SLC22A2: variants seen among roughly 807,000 people sequenced by gnomAD.
The protein encoded by SLC22A2 is organic cation transporter 2.
A neutral mutation model predicts 60.5 loss-of-function variants in SLC22A2; 46 were observed. The ratio of observed to expected loss-of-function variants is 0.76; its 90% CI spans 0.60 to 0.97. SLC22A2 has a LOEUF of 0.97. Among genes scored for constraint, SLC22A2 ranks in the 50% least tolerant of loss-of-function variants. The pLI is 0.00. For missense variants in SLC22A2, 701 were observed against 706.6 expected, an observed-to-expected ratio of 0.99 and a Z score of 0.09; for synonymous variants, 303 against 267.0, an observed-to-expected ratio of 1.13 and a Z score of -1.31.
chr6:160,242,872 A>G (rs139442847), intron 7 of SLC22A2, among the ~76,000 whole-genome samples: 16 of 152,276 alleles, frequency 1.1e-4, no homozygotes, highest in South Asian at 4.2e-4. Flanking sequence ...AATGACCTGT[A>G]TCCACTATTT....
At chr6:160,228,155 T>C (rs1335773137) in intron 9 of SLC22A2, among the ~76,000 whole-genome samples, 1 of 152,254 alleles carries the variant, frequency 6.6e-6, no homozygotes, top group Non-Finnish European at 1.5e-5. Flanking sequence ...AATTCTTTCA[T>C]GTGTGAGATC....
At chr6:160,253,236 T>G (rs1783215879) in intron 2 of SLC22A2, among the ~76,000 whole-genome samples, 2 of 152,250 alleles carry the variant, frequency 1.3e-5, no homozygotes, top group Admixed American at 1.3e-4. Context: ...TGTTCTGTAC[T>G]CATATTTATT....
intron 10 of SLC22A2, among the ~76,000 whole-genome samples, chr6:160,219,233 GC>G (rs1465290116): frequency 3.4e-5 from 5 of 146,574 alleles, no homozygotes; most frequent in African/African-American, 1.3e-4. Flanking sequence ...TATAACAGCA[GC>G]AGCAACAACA....
intron 10 of SLC22A2, among the ~76,000 whole-genome samples, chr6:160,219,624 A>C (rs1015313606): frequency 2.7e-5 from 4 of 148,840 alleles, no homozygotes; most frequent in Admixed American, 1.3e-4. Flanking sequence ...TCCAGTTGTC[A>C]GTGGGGTTAA....
In SLC22A2 at chr6:160,249,394, G is replaced by A. The variant is rs999163072; in HGVS notation, c.674-10C>T. On this transcript the variant is annotated splice_polypyrimidine_tract_variant and intron_variant, in intron 3 of 10. Transcript: ENST00000366953. ...CCAACAAATTCTGTAACTGCAGAGA[G>A]AATTTGAATGGTTAATGCAATTCAA... The A allele has an allele frequency of 1.2e-6, 2 of 1,610,974 alleles. No homozygotes were observed. Among genetic ancestry groups the A allele is most frequent in the East Asian group, 4.5e-5 (2 of 44,836 alleles).
At chr6:160,233,748 C>T (rs1198626067) in intron 9 of SLC22A2, among the ~76,000 whole-genome samples, 1 of 151,846 alleles carries the variant, frequency 6.6e-6, no homozygotes, top group African/African-American at 2.4e-5. Flanking sequence ...GCAAAATCTT[C>T]CTTCAGCTTA....
intron 10 of SLC22A2, chr6:160,217,951 T>C (rs1725466824): frequency 6.3e-6 from 1 of 159,194 alleles, no homozygotes; most frequent in African/African-American, 2.4e-5. Flanking sequence ...AATTGCAAGT[T>C]TTCTCAATCA....
Position 160,234,299 on chromosome 6 carries a change from G to C in SLC22A2, c.1501+7175C>G, listed in dbSNP as rs186872177. On this transcript the variant is annotated intron_variant, in intron 9 of 10. Transcript: ENST00000366953. Reference sequence around the variant, plus strand: ...TTACTCACACAAAGCCTGTTTGGTGGGCTCTTCACACGGACACGAGTGAAA... The same window carrying C: ...TTACTCACACAAAGCCTGTTTGGTGCGCTCTTCACACGGACACGAGTGAAA... Among the ~76,000 whole-genome samples the C allele has an allele frequency of 7.6e-3, 1,163 of 152,294 alleles. 7 individuals are homozygous for C. The highest frequency in any genetic ancestry group is 0.012 in the Non-Finnish European group (788 of 68,028).
At chr6:160,252,726 A>G (rs1554261393) in intron 2 of SLC22A2, among the ~76,000 whole-genome samples, 1 of 152,196 alleles carries the variant, frequency 6.6e-6, no homozygotes, top group Non-Finnish European at 1.5e-5. Context: ...TTTTGGGCCC[A>G]CCCAGATCTG....
At chr6:160,239,892 G>T (rs2114861610) in intron 9 of SLC22A2, among the ~76,000 whole-genome samples, 1 of 152,230 alleles carries the variant, frequency 6.6e-6, no homozygotes, top group East Asian at 1.9e-4. Context: ...TGGAACTTTT[G>T]CTGGCAGATC....
rs560668625 is a variant in SLC22A2, at chr6:160,217,203, G to A, written c.*229C>T. 33 of 384,670 alleles carry A rather than the reference G, an allele frequency of 8.6e-5. No homozygotes were observed. The highest frequency in any genetic ancestry group is 1.5e-4 in the Non-Finnish European group (32 of 217,238). 23.8% of individuals were successfully genotyped at this position (384,670 alleles called of 1,614,324 possible). A position where few individuals can be genotyped will look rare whatever the true frequency, so the allele number is the denominator to read the frequency against. On this transcript the variant is annotated 3_prime_UTR_variant, in exon 11 of 11. Transcript: ENST00000366953. ...ACCCTCCAGAAAACCAATGTCCAAT[G>A]TCCTAGGAATGCTGAGAATAAAGTG...
chr6:160,250,987 G>A (rs189265778), intron 2 of SLC22A2, among the ~76,000 whole-genome samples: 1 of 152,166 alleles, frequency 6.6e-6, no homozygotes, highest in Non-Finnish European at 1.5e-5. Flanking sequence ...TTCAGGGAAA[G>A]AGTAATTCAT....
At chr6:160,229,904 C>T (rs1315848027) in intron 9 of SLC22A2, among the ~76,000 whole-genome samples, 5 of 151,966 alleles carry the variant, frequency 3.3e-5, no homozygotes, top group African/African-American at 1.2e-4. Flanking sequence ...TTCCATCCTA[C>T]AAAATCTAGA....
intron 1 of SLC22A2, chr6:160,257,861 T>C (rs936118224): frequency 6.5e-6 from 1 of 153,468 alleles, no homozygotes. Flanking sequence ...CCAAATGATT[T>C]TATATGAACA....
In SLC22A2 at chr6:160,245,448, A is replaced by G. The variant is rs1318806797; in HGVS notation, c.1055T>C (p.Met352Thr). The G allele has an allele frequency of 7.7e-6, 12 of 1,562,156 alleles. No individual in the cohort carries two copies. Among genetic ancestry groups the G allele is most frequent in the Middle Eastern group, 1.7e-4 (1 of 5,970 alleles). Residue 352 changes from methionine (M) to threonine (T), a missense_variant, in exon 6 of 11, where the codon ATG becomes ACG. Coordinates refer to ENST00000366953, the MANE Select transcript of SLC22A2 (RefSeq NM_003058.4). ...PQIRKHTMIL[M>T]YNWFTSSVLY... ...GAAAAATATTCCTTACCAGTTGTAC[A>G]TCAATATCATAGTATGTTTCCTTAT...
intron 9 of SLC22A2, among the ~76,000 whole-genome samples, chr6:160,235,857 A>G (rs1337596026): frequency 6.6e-6 from 1 of 152,168 alleles, no homozygotes; most frequent in Non-Finnish European, 1.5e-5. Flanking sequence ...TATAAAAGTC[A>G]TACAGGAAGC....
At chr6:160,258,071 T>G in intron 1 of SLC22A2, 3 of 408,894 alleles carry the variant, frequency 7.3e-6, no homozygotes, top group Non-Finnish European at 1.3e-5. Flanking sequence ...TTTCCAGGAG[T>G]CCTAATATGC....
rs868321797 is a variant in SLC22A2 at position 160,249,313 on chromosome 6, G to A, written c.745C>T (p.Leu249Phe). ...IFYQVAYTVGLLVLAGVAYAL... is the reference protein window; with the variant it reads ...IFYQVAYTVGFLVLAGVAYAL... ...TAAGCCACCCCAGCTAGCACCAGGAGCCCAACTGTATAGGCAACTTGGTAA... is the reference window on the plus strand; with the variant it reads ...TAAGCCACCCCAGCTAGCACCAGGAACCCAACTGTATAGGCAACTTGGTAA... Residue 249 changes from leucine to phenylalanine, a missense_variant, in exon 4 of 11, where the codon CTC (leucine) becomes TTC (phenylalanine). Leu to Phe is a conservative substitution (Grantham distance 22, BLOSUM62 0). Coordinates refer to ENST00000366953, the MANE Select transcript of SLC22A2 (RefSeq NM_003058.4). The A allele has an allele frequency of 8.7e-6, 14 of 1,613,146 alleles. No individual in the cohort carries two copies. The Middle Eastern group carries it at 2.1e-3, about 247-fold the overall frequency.
intron 9 of SLC22A2, among the ~76,000 whole-genome samples, chr6:160,237,166 G>A (rs1483049889): frequency 1.3e-5 from 2 of 152,126 alleles, no homozygotes; most frequent in South Asian, 2.1e-4. Flanking sequence ...AGTGATTCCT[G>A]CAGTTCAGAA....
Sources: gnomAD v4.1 joint callset for allele counts (sites outside exome capture counted in the v4.1 genomes callset) on GRCh38, gnomAD v4.1.1 for gene constraint, MANE v1.5 for transcripts, NCBI Gene and HGNC (gene_info 2026-07-23, HGNC 2026-07-21) for gene names.